CYP46A1: variants seen among roughly 807,000 people sequenced by gnomAD.
CYP46A1 encodes cholesterol 24-hydroxylase.
CYP46A1 carries 20 observed loss-of-function variants against 63.3 expected under a neutral mutation model. That is an observed-to-expected ratio of 0.32 (90% CI 0.22 to 0.46). The LOEUF is 0.46. Ranked by LOEUF, CYP46A1 falls within the 20% of genes least tolerant of loss-of-function variation. The pLI is 1.00. For missense variants in CYP46A1, 445 were observed against 670.8 expected (o/e 0.66, Z 3.72); for synonymous variants, 268 against 273.6 (o/e 0.98, Z 0.20).
At chr14:99,687,023 C>A (rs764296560) in intron 1 of CYP46A1, among the ~76,000 whole-genome samples, 1 of 152,154 alleles carries the variant, frequency 6.6e-6, no homozygotes, top group African/African-American at 2.4e-5. Context: ...GTAGCATTTG[C>A]CCCCGGGTAC....
At position 99,684,349 on chromosome 14, in the gene CYP46A1, C is replaced by G; in HGVS notation, c.-69C>G. On this transcript the variant is annotated 5_prime_UTR_variant, in exon 1 of 15. Coordinates refer to ENST00000261835, the MANE Select transcript of CYP46A1 (RefSeq NM_006668.2). ...CGGCGCGCGGCGCTGACAGCTGAGT[C>G]GGCTCGCGGCCTCCCGGCCCCCTCG... 1 of 981,878 alleles carries G rather than the reference C, an allele frequency of 1.0e-6. No homozygotes were observed. The highest frequency in any genetic ancestry group is 1.3e-6 in the Non-Finnish European group (1 of 765,556). The allele number at this position is 981,878 out of a possible 1,614,324, so 60.8% of individuals were successfully genotyped here.
At chr14:99,714,715 G>A (rs1227263740) in intron 7 of CYP46A1, among the ~76,000 whole-genome samples, 7 of 149,592 alleles carry the variant, frequency 4.7e-5, no homozygotes, top group Admixed American at 2.0e-4. Context: ...AGCTGAGATC[G>A]TGCCATTGCA....
At chr14:99,715,999 G>T in intron 8 of CYP46A1, 39 bp downstream of exon 8, 1 of 1,594,174 alleles carries the variant, frequency 6.3e-7, no homozygotes, top group South Asian at 1.1e-5. Context: ...AGGGCGGGGT[G>T]GGCCAGGACG....
chr14:99,687,959 C>T (rs1243983809), intron 1 of CYP46A1, among the ~76,000 whole-genome samples: 1 of 145,952 alleles, frequency 6.9e-6, no homozygotes, highest in Non-Finnish European at 1.5e-5. Flanking sequence ...CCCCAGCGCC[C>T]CCTGCAGGTG....
chr14:99,684,634 C>A, intron 1 of CYP46A1, 98 bp downstream of exon 1: 1 of 1,093,802 alleles, frequency 9.1e-7, no homozygotes, highest in Non-Finnish European at 1.3e-6. Flanking sequence ...CCGGCCTCGC[C>A]TAGTGCGCGC....
chr14:99,700,740 A>G (rs1418514218), intron 5 of CYP46A1, among the ~76,000 whole-genome samples: 6 of 152,256 alleles, frequency 3.9e-5, no homozygotes, highest in Non-Finnish European at 7.3e-5. Flanking sequence ...TGTGTTTACT[A>G]TACTTTTAAA....
At chr14:99,715,436 C>T (rs997514090) in intron 7 of CYP46A1, among the ~76,000 whole-genome samples, 6 of 152,168 alleles carry the variant, frequency 3.9e-5, no homozygotes, top group Admixed American at 6.5e-5. Context: ...AGCTTGCAGC[C>T]GCCAATGCCG....
At chr14:99,687,257 TC>T (rs1442077332) in intron 1 of CYP46A1, among the ~76,000 whole-genome samples, 2 of 152,316 alleles carry the variant, frequency 1.3e-5, no homozygotes, top group Middle Eastern at 3.4e-3. Flanking sequence ...TGTTCTAACT[TC>T]CCTCATCAGC....
At chr14:99,704,873 T>C (rs928958182) in intron 5 of CYP46A1, among the ~76,000 whole-genome samples, 1 of 152,014 alleles carries the variant, frequency 6.6e-6, no homozygotes, top group Non-Finnish European at 1.5e-5. Context: ...CAGGTAGTGA[T>C]GGTTGTGGGG....
At chr14:99,703,294 C>A (rs1340800144) in intron 5 of CYP46A1, among the ~76,000 whole-genome samples, 1 of 152,198 alleles carries the variant, frequency 6.6e-6, no homozygotes, top group African/African-American at 2.4e-5. Context: ...GTATAAACAT[C>A]CTTGCCAGAA....
At chr14:99,720,275 A>G (rs191283814) in intron 10 of CYP46A1, among the ~76,000 whole-genome samples, 1 of 152,282 alleles carries the variant, frequency 6.6e-6, no homozygotes, top group East Asian at 1.9e-4. Context: ...GCTGGATCAT[A>G]TGGTGATTCT....
chr14:99,712,814 A>G (rs1387800686), intron 7 of CYP46A1: 1 of 152,014 alleles, frequency 6.6e-6, no homozygotes, highest in Admixed American at 6.6e-5. Flanking sequence ...TTTGCGTGAA[A>G]CCACGAAAGA....
intron 11 of CYP46A1, among the ~76,000 whole-genome samples, chr14:99,721,670 G>T (rs1054330020): frequency 6.6e-6 from 1 of 152,146 alleles, no homozygotes; most frequent in Non-Finnish European, 1.5e-5. Flanking sequence ...ACAGCAGGAG[G>T]GCTTGCAGCT....
Position 99,690,967 on chromosome 14 carries a change from C to T in CYP46A1, c.120-114C>T. 4 of 983,066 alleles carry T rather than the reference C, an allele frequency of 4.1e-6. No homozygotes were observed. In the Admixed American group the frequency reaches 5.4e-5, roughly 13 times the overall value. The allele number at this position is 983,066 out of a possible 1,614,324, so 60.9% of individuals were successfully genotyped here. ...GTCCCTGAGCCAGTGCTGTAACCTC[C>T]CCATGCCTCGGTCCTCCTGTCTGTG... is the stretch of plus-strand genomic sequence containing the variant. On this transcript the variant is annotated intron_variant, in intron 1 of 14. Coordinates refer to ENST00000261835, the MANE Select transcript of CYP46A1 (RefSeq NM_006668.2).
At chr14:99,717,875 A>T (rs2056805646) in intron 9 of CYP46A1, 179 bp from the exon 10 acceptor site, 1 of 518,668 alleles carries the variant, frequency 1.9e-6, no homozygotes. Flanking sequence ...AATGGAGGTG[A>T]GCACCTCCCC....
intron 7 of CYP46A1, among the ~76,000 whole-genome samples, chr14:99,714,724 C>T (rs2056771360): frequency 6.8e-6 from 1 of 147,432 alleles, no homozygotes; most frequent in African/African-American, 2.5e-5. Flanking sequence ...CGTGCCATTG[C>T]ACTCCAGCCT....
At chr14:99,684,710 C>A (rs771391346) in intron 1 of CYP46A1, 174 bp downstream of exon 1, 1 of 666,902 alleles carries the variant, frequency 1.5e-6, no homozygotes, top group South Asian at 1.5e-5. Flanking sequence ...TACTCACAGC[C>A]GCAGCAGCTG....
At chr14:99,721,927 C>T in intron 11 of CYP46A1, 29 bp from the exon 12 acceptor site, 1 of 1,583,130 alleles carries the variant, frequency 6.3e-7, no homozygotes, top group East Asian at 2.2e-5. Flanking sequence ...CCCGACTCTC[C>T]TTGTTATCTC....
chr14:99,688,036 C>T (rs1378143504), intron 1 of CYP46A1, among the ~76,000 whole-genome samples: 2 of 152,078 alleles, frequency 1.3e-5, no homozygotes, highest in Non-Finnish European at 2.9e-5. Context: ...TCTCTGTGCC[C>T]TCTGTCTTCC....
Sources: allele counts gnomAD v4.1 joint callset (sites outside exome capture counted in the v4.1 genomes callset), GRCh38; gene constraint gnomAD v4.1.1; transcripts MANE v1.5; gene names NCBI Gene and HGNC (gene_info 2026-07-23, HGNC 2026-07-21).